The following RNGTT variants were observed in gnomAD, a reference collection of about 807,000 sequenced individuals.
RNGTT encodes the protein mRNA-capping enzyme.
In RNGTT, 33 loss-of-function variants were observed where a neutral mutation model predicts 79.3. The ratio of observed to expected loss-of-function variants is 0.42; its 90% CI spans 0.32 to 0.56. The LOEUF is 0.56. Among genes scored for constraint, RNGTT ranks in the 20% least tolerant of loss-of-function variants. The probability of loss-of-function intolerance (pLI) is 0.17; values close to 1 mark genes in which losing one functional copy is unlikely to be tolerated. For synonymous variants in RNGTT, 222 were observed against 235.9 expected, an observed-to-expected ratio of 0.94 and a Z score of 0.54; for missense variants, 497 against 739.1, an observed-to-expected ratio of 0.67 and a Z score of 3.80.
intron 4 of RNGTT, among the ~76,000 whole-genome samples, chr6:88,927,817 G>C (rs1182194053): frequency 1.3e-5 from 2 of 148,956 alleles, no homozygotes; most frequent in Non-Finnish European, 3.0e-5. Context: ...CTGGGCAACA[G>C]AGTGGGATTC....
At chr6:88,678,327 A>G (rs996283464) in intron 14 of RNGTT, 26 bp downstream of exon 14, 4 of 1,587,328 alleles carry the variant, frequency 2.5e-6, no homozygotes, top group Non-Finnish European at 3.4e-6. Context: ...ATCCAGGAAA[A>G]GTACACTGAA....
chr6:88,834,227 A>C (rs773573006), intron 11 of RNGTT, among the ~76,000 whole-genome samples: 15 of 152,222 alleles, frequency 9.9e-5, no homozygotes, highest in Non-Finnish European at 2.2e-4. Context: ...TTCATGTGTC[A>C]ATGAATAAGA....
intron 13 of RNGTT, among the ~76,000 whole-genome samples, chr6:88,694,697 A>G (rs888405874): frequency 6.6e-6 from 1 of 152,198 alleles, no homozygotes; most frequent in African/African-American, 2.4e-5. Context: ...TTCAAACTGT[A>G]TTACAAAGCT....
At chr6:88,747,079 T>A (rs1235798588) in intron 13 of RNGTT, among the ~76,000 whole-genome samples, 1 of 152,112 alleles carries the variant, frequency 6.6e-6, no homozygotes, top group African/African-American at 2.4e-5. Context: ...CTCTTACACA[T>A]GGGTTAAGGG....
chr6:88,668,444 A>C (rs1774502510), intron 14 of RNGTT, among the ~76,000 whole-genome samples: 1 of 152,094 alleles, frequency 6.6e-6, no homozygotes, highest in Non-Finnish European at 1.5e-5. Context: ...TTTTTCTCAA[A>C]ATTTGGACTT....
chr6:88,948,540 G>A (rs201394977), intron 1 of RNGTT, among the ~76,000 whole-genome samples: 18 of 148,256 alleles, frequency 1.2e-4, no homozygotes, highest in African/African-American at 3.0e-4. Context: ...GGTGAGGGGC[G>A]CCTCTGCCCA....
At position 88,610,302 on chromosome 6, in the gene RNGTT, GCACTGA is replaced by G. The variant is rs1440251050; in HGVS notation, c.*2411_*2416del. 6.6e-6 allele frequency: 1 copy of G among 152,582 alleles called. No individual in the cohort carries two copies. Among genetic ancestry groups the G allele is most frequent in the Admixed American group, 6.5e-5 (1 of 15,282 alleles). The allele number at this position is 152,582 out of a possible 1,614,324, so 9.5% of individuals were successfully genotyped here. ...TAAATCAGTAGTTTTATTACAATACGCACTGACACACAATTGGAAAAGGAATGTCCT... is the reference window on the plus strand; with the variant it reads ...TAAATCAGTAGTTTTATTACAATACGCACACAATTGGAAAAGGAATGTCCT... On this transcript the variant is annotated 3_prime_UTR_variant, in exon 16 of 16. Transcript: ENST00000369485.
intron 14 of RNGTT, among the ~76,000 whole-genome samples, chr6:88,661,678 T>TA (rs895283403): frequency 2.4e-4 from 36 of 151,780 alleles, no homozygotes; most frequent in African/African-American, 6.8e-4. Context: ...GATATAGTAA[T>TA]AAAAAAAATT....
chr6:88,659,547 T>C (rs1416850971), intron 14 of RNGTT, among the ~76,000 whole-genome samples: 1 of 151,836 alleles, frequency 6.6e-6, no homozygotes, highest in Non-Finnish European at 1.5e-5. Context: ...AAGAAAGAAT[T>C]TCAGAGCTTG....
intron 1 of RNGTT, among the ~76,000 whole-genome samples, 162 bp downstream of exon 1, chr6:88,963,184 G>A (rs1371643142): frequency 6.9e-6 from 1 of 144,924 alleles, no homozygotes; most frequent in East Asian, 2.0e-4. Context: ...ATCCCCTCCC[G>A]TTCATGTTCC....
intron 14 of RNGTT, among the ~76,000 whole-genome samples, chr6:88,652,595 A>G (rs1161315463): frequency 3.9e-5 from 6 of 152,150 alleles, no homozygotes; most frequent in Non-Finnish European, 7.4e-5. Flanking sequence ...AATACTTCCT[A>G]TTACAAATTT....
intron 13 of RNGTT, 68 bp downstream of exon 13, chr6:88,769,706 C>A (rs1462212223): frequency 2.4e-6 from 2 of 830,484 alleles, no homozygotes; most frequent in South Asian, 1.8e-5. Context: ...TATGAAATAC[C>A]CTGTAAAAGG....
intron 12 of RNGTT, among the ~76,000 whole-genome samples, chr6:88,786,912 C>T (rs1235554083): frequency 1.3e-5 from 2 of 152,102 alleles, no homozygotes; most frequent in Non-Finnish European, 1.5e-5. Flanking sequence ...GAGACTCCTA[C>T]CCTTAGAAAA....
intron 14 of RNGTT, among the ~76,000 whole-genome samples, chr6:88,639,975 T>A (rs1374927715): frequency 6.6e-6 from 1 of 152,192 alleles, no homozygotes; most frequent in Non-Finnish European, 1.5e-5. Context: ...CAGGGAGGCC[T>A]TCTGTGACTC....
At chr6:88,898,999 C>T (rs890342794) in intron 6 of RNGTT, among the ~76,000 whole-genome samples, 8 of 151,498 alleles carry the variant, frequency 5.3e-5, no homozygotes, top group African/African-American at 1.5e-4. Context: ...AGTTTTCTTT[C>T]GTTTTCAAAC....
intron 13 of RNGTT, among the ~76,000 whole-genome samples, chr6:88,719,328 C>T (rs542979257): frequency 1.2e-4 from 19 of 152,316 alleles, no homozygotes; most frequent in African/African-American, 4.1e-4. Context: ...CAGTTATCTG[C>T]TATTCTTAAA....
At chr6:88,650,913 T>C (rs1773771562) in intron 14 of RNGTT, among the ~76,000 whole-genome samples, 1 of 151,998 alleles carries the variant, frequency 6.6e-6, no homozygotes, top group Admixed American at 6.5e-5. Context: ...GAACAGAAAA[T>C]ACTTCATAGT....
intron 14 of RNGTT, among the ~76,000 whole-genome samples, chr6:88,623,203 T>A (rs1772502671): frequency 6.6e-6 from 1 of 151,652 alleles, no homozygotes; most frequent in Non-Finnish European, 1.5e-5. Flanking sequence ...AGGCCTGAGG[T>A]AAAAAAGATC....
chr6:88,691,539 G>C (rs1287995925), intron 13 of RNGTT, among the ~76,000 whole-genome samples: 10 of 152,180 alleles, frequency 6.6e-5, no homozygotes. Context: ...GTAAAGAAGA[G>C]CAAAGAAGTA....
Sources: allele counts gnomAD v4.1 joint callset (sites outside exome capture counted in the v4.1 genomes callset), GRCh38; gene constraint gnomAD v4.1.1; transcripts MANE v1.5; gene names NCBI Gene and HGNC (gene_info 2026-07-23, HGNC 2026-07-21).